SLC20A1: variants seen among roughly 807,000 people sequenced by gnomAD.
SLC20A1 encodes the protein sodium-dependent phosphate transporter 1.
A neutral mutation model predicts 62.7 loss-of-function variants in SLC20A1; 28 were observed. The observed-to-expected ratio is 0.45, with a 90% confidence interval of 0.33 to 0.61. The LOEUF is 0.61. SLC20A1 is among the 20% of genes least tolerant of loss of function. The pLI, the probability that SLC20A1 is intolerant of heterozygous loss-of-function variation, is 0.02. For synonymous variants in SLC20A1, 305 were observed against 302.9 expected, an observed-to-expected ratio of 1.01 and a Z score of -0.07; for missense variants, 673 against 838.6, an observed-to-expected ratio of 0.80 and a Z score of 2.44.
intron 9 of SLC20A1, chr2:112,660,829 A>T: frequency 4.2e-6 from 2 of 476,960 alleles, no homozygotes; most frequent in Admixed American, 8.7e-5. Flanking sequence ...GCGGATAGTT[A>T]TGTATACTTG....
chr2:112,651,407 T>C (rs1052670650), intron 4 of SLC20A1, among the ~76,000 whole-genome samples: 7 of 145,228 alleles, frequency 4.8e-5, no homozygotes, highest in African/African-American at 1.7e-4. Flanking sequence ...TTGCTCCCAA[T>C]TTTTTTTTTT....
intron 5 of SLC20A1, among the ~76,000 whole-genome samples, chr2:112,656,341 C>T (rs181628308): frequency 0.015 from 2,253 of 151,756 alleles, 53 homozygotes; most frequent in African/African-American, 0.051. Flanking sequence ...GGACTACAGG[C>T]GCCCACCACC....
intron 5 of SLC20A1, among the ~76,000 whole-genome samples, chr2:112,653,692 A>G (rs547690142): frequency 4.0e-5 from 6 of 151,594 alleles, no homozygotes; most frequent in Admixed American, 3.9e-4. Context: ...GTTGTGGCCC[A>G]CTGAAATGAT....
Position 112,646,702 on chromosome 2 carries a change from A to G in SLC20A1, c.-127A>G. On this transcript the variant is annotated 5_prime_UTR_variant, in exon 2 of 11. Coordinates refer to ENST00000272542, the MANE Select transcript of SLC20A1 (RefSeq NM_005415.5). ...CTCCCCAGCTCGGTTTCTGTGCCGT[A>G]GTTTACAGTATTTAATTTTATATAA... 2.7e-6 allele frequency: 1 copy of G among 370,206 alleles called. No individual in the cohort carries two copies. Among genetic ancestry groups the G allele is most frequent in the Non-Finnish European group, 4.4e-6 (1 of 227,536 alleles). 22.9% of individuals were successfully genotyped at this position (370,206 alleles called of 1,614,324 possible).
At chr2:112,661,534 C>G (rs1279439558) in intron 10 of SLC20A1, among the ~76,000 whole-genome samples, 2 of 151,642 alleles carry the variant, frequency 1.3e-5, no homozygotes, top group South Asian at 4.2e-4. Flanking sequence ...GTCATTTCTA[C>G]TTGGCACCAT....
intron 1 of SLC20A1, among the ~76,000 whole-genome samples, 199 bp downstream of exon 1, chr2:112,646,328 C>T (rs1052765114): frequency 1.3e-5 from 2 of 151,846 alleles, no homozygotes; most frequent in African/African-American, 2.4e-5. Flanking sequence ...GGCCCTTTTC[C>T]GATTTTCGCG....
At chr2:112,660,060 T>A (rs1370009425) in intron 8 of SLC20A1, among the ~76,000 whole-genome samples, 2 of 152,220 alleles carry the variant, frequency 1.3e-5, no homozygotes, top group African/African-American at 4.8e-5. Context: ...GGATGTAAGA[T>A]GTAAGATGAA....
intron 7 of SLC20A1, 34 bp from the exon 8 acceptor site, chr2:112,659,170 T>G: frequency 6.2e-7 from 1 of 1,605,510 alleles, no homozygotes; most frequent in Non-Finnish European, 8.5e-7. Context: ...TTGATGCTTT[T>G]TGTATTGAAT....
At chr2:112,655,530 T>G (rs1054675174) in intron 5 of SLC20A1, among the ~76,000 whole-genome samples, 4 of 151,662 alleles carry the variant, frequency 2.6e-5, no homozygotes, top group Non-Finnish European at 5.9e-5. Flanking sequence ...TGGGTTTTTT[T>G]TTTTTTTTTT....
chr2:112,655,903 G>A (rs1686571655), intron 5 of SLC20A1, among the ~76,000 whole-genome samples: 1 of 152,030 alleles, frequency 6.6e-6, no homozygotes, highest in African/African-American at 2.4e-5. Context: ...GTTTCACCAT[G>A]TTGGCCAGGC....
At chr2:112,660,940 C>A in intron 9 of SLC20A1, 1 of 509,974 alleles carries the variant, frequency 2.0e-6, no homozygotes, top group Non-Finnish European at 3.5e-6. Context: ...AAACGTAAAA[C>A]TGGAAGCCTT....
At chr2:112,661,105 A>T (rs757884223) in intron 9 of SLC20A1, 37 bp from the exon 10 acceptor site, 2 of 1,563,164 alleles carry the variant, frequency 1.3e-6, no homozygotes, top group East Asian at 4.5e-5. Flanking sequence ...AAAAAAGTCA[A>T]ACTCACTTCC....
intron 10 of SLC20A1, 59 bp downstream of exon 10, chr2:112,661,285 G>A: frequency 9.2e-6 from 12 of 1,310,490 alleles, no homozygotes; most frequent in Non-Finnish European, 1.3e-5. Flanking sequence ...AGGGTTTTTA[G>A]TTTTACTTCT....
At chr2:112,650,669 G>C (rs1446351534) in intron 4 of SLC20A1, among the ~76,000 whole-genome samples, 1 of 151,684 alleles carries the variant, frequency 6.6e-6, no homozygotes, top group African/African-American at 2.4e-5. Context: ...TGTCACCCAG[G>C]CTGGAGTACG....
At chr2:112,647,772 G>A in intron 4 of SLC20A1, 34 bp downstream of exon 4, 1 of 1,508,354 alleles carries the variant, frequency 6.6e-7, no homozygotes, top group Admixed American at 1.7e-5. Context: ...GACCTTTCAT[G>A]GAGCACACCC....
intron 10 of SLC20A1, 38 bp from the exon 11 acceptor site, chr2:112,662,826 C>T: frequency 6.2e-7 from 1 of 1,606,814 alleles, no homozygotes; most frequent in South Asian, 1.1e-5. Flanking sequence ...ACCACTGGCA[C>T]TTCAATAACC....
At chr2:112,658,718 T>TA (rs1686665095) in intron 6 of SLC20A1, 107 bp from the exon 7 acceptor site, 1 of 1,217,942 alleles carries the variant, frequency 8.2e-7, no homozygotes, top group African/African-American at 1.5e-5. Context: ...GAAGTTCACA[T>TA]ACATTCTTGT....
chr2:112,651,073 G>A (rs778212030), intron 4 of SLC20A1, among the ~76,000 whole-genome samples: 5 of 152,110 alleles, frequency 3.3e-5, no homozygotes, highest in Admixed American at 6.6e-5. Flanking sequence ...TATTGTTTTT[G>A]TTTTGGCTAT....
At chr2:112,662,824 C>T (rs1686787930) in intron 10 of SLC20A1, 40 bp from the exon 11 acceptor site, 1 of 1,603,550 alleles carries the variant, frequency 6.2e-7, no homozygotes, top group African/African-American at 1.3e-5. Context: ...ATACCACTGG[C>T]ACTTCAATAA....
Sources: gnomAD v4.1 joint callset for allele counts (sites outside exome capture counted in the v4.1 genomes callset) on GRCh38, gnomAD v4.1.1 for gene constraint, MANE v1.5 for transcripts, NCBI Gene and HGNC (gene_info 2026-07-23, HGNC 2026-07-21) for gene names.